The following FOXN3 variants were observed in gnomAD, a reference collection of about 807,000 sequenced individuals.
FOXN3 encodes the protein forkhead box N3.
FOXN3 carries 7 observed loss-of-function variants against 38.4 expected under a neutral mutation model. That is an observed-to-expected ratio of 0.18 (90% CI 0.10 to 0.34). The LOEUF (loss-of-function observed/expected upper bound fraction) is 0.34. FOXN3 is among the 10% of genes least tolerant of loss of function. FOXN3 has a pLI of 1.00. For missense variants in FOXN3, 456 were observed against 613.4 expected, an observed-to-expected ratio of 0.74 and a Z score of 2.71; for synonymous variants, 230 against 242.2, an observed-to-expected ratio of 0.95 and a Z score of 0.47.
At chr14:89,490,564 T>C (rs1893551444) in intron 1 of FOXN3, among the ~76,000 whole-genome samples, 2 of 152,212 alleles carry the variant, frequency 1.3e-5, no homozygotes, top group Non-Finnish European at 1.5e-5. Flanking sequence ...TTCTCTCCTC[T>C]ATAAAATGAA....
chr14:89,563,243 T>A (rs1566701147), intron 1 of FOXN3, among the ~76,000 whole-genome samples: 2 of 152,240 alleles, frequency 1.3e-5, no homozygotes, highest in South Asian at 4.1e-4. Context: ...CCAAGTACTG[T>A]CCCATTTTAC....
chr14:89,346,751 T>A (rs1027507361), intron 3 of FOXN3, among the ~76,000 whole-genome samples: 18 of 152,252 alleles, frequency 1.2e-4, no homozygotes, highest in African/African-American at 3.9e-4. Flanking sequence ...GAGTGGAGAG[T>A]TCCGTCCCAC....
At chr14:89,219,871 G>A (rs1462072745) in intron 4 of FOXN3, among the ~76,000 whole-genome samples, 3 of 152,190 alleles carry the variant, frequency 2.0e-5, no homozygotes, top group Non-Finnish European at 4.4e-5. Flanking sequence ...AGATTGCTGG[G>A]ATGCAGCACT....
chr14:89,611,540 C>T (rs1397692200), intron 1 of FOXN3, among the ~76,000 whole-genome samples: 3 of 152,220 alleles, frequency 2.0e-5, no homozygotes, highest in Non-Finnish European at 2.9e-5. Context: ...GGCGCGGTGG[C>T]TCACGCCTGT....
intron 3 of FOXN3, among the ~76,000 whole-genome samples, chr14:89,327,296 C>A (rs527886483): frequency 6.6e-6 from 1 of 152,164 alleles, no homozygotes; most frequent in Non-Finnish European, 1.5e-5. Flanking sequence ...ATGTGCTTAA[C>A]GACTACAGAT....
At chr14:89,379,244 C>T (rs1890572994) in intron 2 of FOXN3, among the ~76,000 whole-genome samples, 1 of 152,194 alleles carries the variant, frequency 6.6e-6, no homozygotes. Flanking sequence ...ACTCGGGGAC[C>T]TTCCCTGGCT....
At position 89,317,185 on chromosome 14, in the gene FOXN3, G is replaced by C. The variant is rs117521970; in HGVS notation, c.680+33487C>G. Among the ~76,000 whole-genome samples the C allele has an allele frequency of 1.3e-3, 195 of 152,272 alleles. 2 individuals carry two copies. The East Asian group carries it at 0.035, about 27-fold the overall frequency. Reference sequence around the variant, plus strand: ...AAAGCAATTGACAATACTTTATAAAGCCTGGCCTCTGACAGTGAGTGAGGA... The same window carrying C: ...AAAGCAATTGACAATACTTTATAAACCCTGGCCTCTGACAGTGAGTGAGGA... On this transcript the variant is annotated intron_variant, in intron 3 of 5. Transcript: ENST00000557258.
chr14:89,360,798 ACCTCCAGCACCACCTCCACCACCACCT>A lies in FOXN3; in HGVS notation c.544-10017_544-9991del, dbSNP rs1566966533. Among the ~76,000 whole-genome samples, 20 of 48,760 alleles carry A rather than the reference ACCTCCAGCACCACCTCCACCACCACCT, an allele frequency of 4.1e-4. 1 individual carries two copies. In the South Asian group the frequency reaches 4.8e-3, roughly 12 times the overall value. 32.0% of individuals were successfully genotyped at this position (48,760 alleles called of 152,430 possible). On this transcript the variant is annotated intron_variant, in intron 2 of 5. Coordinates refer to ENST00000557258, the MANE Select transcript of FOXN3 (RefSeq NM_005197.4). ...CTCCACCACCACCTCCACCACCACC[ACCTCCAGCACCACCTCCACCACCACCT>A]CCACCACTACCACCTCCAGCACCAC...
chr14:89,423,117 TGCC>T (rs1891950829), intron 1 of FOXN3, among the ~76,000 whole-genome samples: 1 of 152,166 alleles, frequency 6.6e-6, no homozygotes, highest in Non-Finnish European at 1.5e-5. Flanking sequence ...ACACGGCACC[TGCC>T]CTCAGGGAGG....
chr14:89,449,156 A>G (rs1413228436), intron 1 of FOXN3, among the ~76,000 whole-genome samples: 1 of 152,148 alleles, frequency 6.6e-6, no homozygotes, highest in Non-Finnish European at 1.5e-5. Flanking sequence ...TCTAAATTCA[A>G]TGTATTCCTT....
At chr14:89,499,345 C>T (rs1893749731) in intron 1 of FOXN3, among the ~76,000 whole-genome samples, 1 of 152,116 alleles carries the variant, frequency 6.6e-6, no homozygotes, top group Non-Finnish European at 1.5e-5. Context: ...CACTGAAGTG[C>T]CGACTTTTGG....
chr14:89,365,488 A>G (rs1041647937), intron 2 of FOXN3, among the ~76,000 whole-genome samples: 2 of 152,268 alleles, frequency 1.3e-5, no homozygotes, highest in African/African-American at 4.8e-5. Context: ...ACTCCAAGTC[A>G]GAAGGCCAAA....
intron 1 of FOXN3, among the ~76,000 whole-genome samples, chr14:89,488,489 T>TACAAA (rs951515086): frequency 1.3e-5 from 2 of 151,532 alleles, no homozygotes; most frequent in African/African-American, 4.9e-5. Flanking sequence ...CTACAAAAAA[T>TACAAA]ACAAAACAAA....
At chr14:89,202,528 G>C (rs1239454495) in intron 4 of FOXN3, among the ~76,000 whole-genome samples, 2 of 152,216 alleles carry the variant, frequency 1.3e-5, no homozygotes, top group Non-Finnish European at 2.9e-5. Flanking sequence ...CCTCTCTAAA[G>C]CACATGCTGA....
At chr14:89,223,901 T>A (rs1884550094) in intron 4 of FOXN3, among the ~76,000 whole-genome samples, 1 of 152,214 alleles carries the variant, frequency 6.6e-6, no homozygotes, top group African/African-American at 2.4e-5. Context: ...CAGATCAACA[T>A]ATCGATGCAG....
rs145839535 is a variant in FOXN3, at chr14:89,253,418, C to T, written c.745+27532G>A. Among the ~76,000 whole-genome samples the T allele has an allele frequency of 1.9e-3, 292 of 152,244 alleles. 1 individual carries two copies. Among genetic ancestry groups the T allele is most frequent in the African/African-American group, 6.3e-3 (263 of 41,552 alleles). ...TTCCAGTTTTCACCACTCCGTGAGG[C>T]GTGATCCATCCTGTTTGCCCTGATG... On this transcript the variant is annotated intron_variant, in intron 4 of 5. Transcript: ENST00000557258.
At chr14:89,337,564 A>G (rs1888498980) in intron 3 of FOXN3, among the ~76,000 whole-genome samples, 1 of 152,144 alleles carries the variant, frequency 6.6e-6, no homozygotes, top group African/African-American at 2.4e-5. Context: ...TCAAAGGAAT[A>G]ATGAACAAGA....
chr14:89,441,430 C>T (rs925669476), intron 1 of FOXN3, among the ~76,000 whole-genome samples: 2 of 152,170 alleles, frequency 1.3e-5, no homozygotes, highest in Non-Finnish European at 2.9e-5. Flanking sequence ...TGTGATTTAC[C>T]TTCTTGGGGC....
chr14:89,616,785 A>G (rs1472782461), intron 1 of FOXN3, among the ~76,000 whole-genome samples: 1 of 152,234 alleles, frequency 6.6e-6, no homozygotes. Context: ...TGCACAGCTC[A>G]GAGGTAGCAA....
Sources: gnomAD v4.1 joint callset for allele counts (sites outside exome capture counted in the v4.1 genomes callset) on GRCh38, gnomAD v4.1.1 for gene constraint, MANE v1.5 for transcripts, NCBI Gene and HGNC (gene_info 2026-07-23, HGNC 2026-07-21) for gene names.